APP: variants seen among roughly 807,000 people sequenced by gnomAD.
The protein encoded by APP is amyloid beta precursor protein, also known as amyloid-beta precursor protein.
APP carries 31 observed loss-of-function variants against 101.4 expected under a neutral mutation model. The observed-to-expected ratio is 0.31, with a 90% CI of 0.23 to 0.41. The LOEUF is 0.41. Ranked by LOEUF, APP falls within the 10% of genes least tolerant of loss-of-function variation. APP has a pLI of 1.00. For missense variants in APP, 839 were observed against 1,003.7 expected, an observed-to-expected ratio of 0.84 and a Z score of 2.22; for synonymous variants, 366 against 364.4, an observed-to-expected ratio of 1.00 and a Z score of -0.05.
intron 8 of APP, among the ~76,000 whole-genome samples, chr21:25,983,882 T>C (rs538815830): frequency 8.5e-5 from 13 of 152,288 alleles, no homozygotes; most frequent in African/African-American, 2.6e-4. Context: ...GAAAGAGTCA[T>C]GTGGGGATTT....
chr21:26,080,383 A>G (rs1362151069), intron 3 of APP, among the ~76,000 whole-genome samples: 1 of 152,108 alleles, frequency 6.6e-6, no homozygotes, highest in Non-Finnish European at 1.5e-5. Flanking sequence ...GATTCCTAAG[A>G]TTCTGCTCAT....
intron 6 of APP, among the ~76,000 whole-genome samples, chr21:26,012,091 G>C (rs1340583453): frequency 4.6e-5 from 4 of 86,168 alleles, no homozygotes; most frequent in Non-Finnish European, 1.4e-4. Flanking sequence ...CTGCAGGCTT[G>C]ACCTCACCTG....
intron 9 of APP, among the ~76,000 whole-genome samples, chr21:25,978,768 A>G (rs1473991630): frequency 1.3e-5 from 2 of 152,180 alleles, no homozygotes; most frequent in Non-Finnish European, 2.9e-5. Flanking sequence ...CCTGGCCAAC[A>G]TGGTGAAACC....
chr21:26,007,204 A>G (rs1448398478), intron 6 of APP, among the ~76,000 whole-genome samples: 1 of 151,762 alleles, frequency 6.6e-6, no homozygotes, highest in African/African-American at 2.4e-5. Context: ...AATTTTAAGT[A>G]GAGTAAAAAG....
At chr21:26,135,377 A>G (rs1434804033) in intron 1 of APP, among the ~76,000 whole-genome samples, 2 of 152,250 alleles carry the variant, frequency 1.3e-5, no homozygotes, top group Non-Finnish European at 2.9e-5. Context: ...CCAAGTTCAT[A>G]TCAAACTAAG....
chr21:26,150,760 T>A (rs1291492902), intron 1 of APP, among the ~76,000 whole-genome samples: 2 of 152,256 alleles, frequency 1.3e-5, no homozygotes, highest in Non-Finnish European at 2.9e-5. Flanking sequence ...GTTCAATTAA[T>A]GCACCAAATA....
chr21:26,042,604 C>T (rs1461988687), intron 5 of APP, among the ~76,000 whole-genome samples: 1 of 152,176 alleles, frequency 6.6e-6, no homozygotes, highest in Non-Finnish European at 1.5e-5. Flanking sequence ...TTATTGTTAT[C>T]AAGATTTCAC....
At chr21:26,140,907 TA>T (rs1270683207) in intron 1 of APP, among the ~76,000 whole-genome samples, 2 of 152,214 alleles carry the variant, frequency 1.3e-5, no homozygotes, top group Non-Finnish European at 2.9e-5. Context: ...AACCGGATTA[TA>T]AGAAACAATT....
intron 13 of APP, among the ~76,000 whole-genome samples, chr21:25,946,346 G>A (rs909889973): frequency 1.3e-5 from 2 of 152,294 alleles, no homozygotes; most frequent in South Asian, 4.1e-4. Context: ...ATAGTATCCA[G>A]AATATATAAA....
At chr21:26,032,521 T>G (rs1228161628) in intron 5 of APP, among the ~76,000 whole-genome samples, 1 of 152,156 alleles carries the variant, frequency 6.6e-6, no homozygotes. Context: ...AACATGTCAC[T>G]TAGGCTGCTG....
At chr21:26,050,808 T>C (rs550939961) in intron 5 of APP, among the ~76,000 whole-genome samples, 192 bp downstream of exon 5, 9 of 152,342 alleles carry the variant, frequency 5.9e-5, no homozygotes, top group African/African-American at 2.2e-4. Context: ...AACTCTGTGA[T>C]GGGTGACTGA....
At chr21:26,069,992 C>T (rs2046610883) in intron 3 of APP, among the ~76,000 whole-genome samples, 1 of 152,166 alleles carries the variant, frequency 6.6e-6, no homozygotes, top group Non-Finnish European at 1.5e-5. Context: ...TACAATATTG[C>T]TATGAGTTCA....
intron 2 of APP, among the ~76,000 whole-genome samples, chr21:26,105,561 C>T (rs1006710332): frequency 6.6e-6 from 1 of 151,426 alleles, no homozygotes; most frequent in Admixed American, 6.6e-5. Flanking sequence ...TTCCAACACA[C>T]GCATGAAAAT....
At chr21:26,066,684 A>G (rs1389439557) in intron 3 of APP, among the ~76,000 whole-genome samples, 3 of 152,172 alleles carry the variant, frequency 2.0e-5, no homozygotes, top group Admixed American at 6.5e-5. Flanking sequence ...ATAAACCTGC[A>G]TCTCATCCTA....
In APP at chr21:25,891,888, AAAG is replaced by A; in HGVS notation, c.2065-23_2065-21del. On this transcript the variant is annotated intron_variant, in intron 16 of 17. Transcript: ENST00000346798. The stretch of plus-strand genomic sequence containing the variant: ...GAACACCTTGAAAACAAATTAAGAA[AAAG>A]AATTTTAATTTCTAAATGCAATATA... 6.2e-7 allele frequency: 1 copy of A among 1,605,562 alleles called. No homozygotes were observed. The highest frequency in any genetic ancestry group is 8.5e-7 in the Non-Finnish European group (1 of 1,174,306).
intron 15 of APP, among the ~76,000 whole-genome samples, chr21:25,904,105 T>C (rs1216385737): frequency 6.6e-6 from 1 of 152,216 alleles, no homozygotes; most frequent in Non-Finnish European, 1.5e-5. Flanking sequence ...CCTGGGGACA[T>C]TATGAGGATA....
chr21:26,053,746 T>C (rs2045929159), intron 3 of APP, among the ~76,000 whole-genome samples: 1 of 152,240 alleles, frequency 6.6e-6, no homozygotes, highest in African/African-American at 2.4e-5. Flanking sequence ...CCTACTTTTC[T>C]TTCTTGGACA....
intron 2 of APP, among the ~76,000 whole-genome samples, chr21:26,102,250 G>A (rs1000459434): frequency 1.3e-5 from 2 of 151,816 alleles, no homozygotes; most frequent in Admixed American, 6.6e-5. Flanking sequence ...CACCACGCCC[G>A]GCAAATATTT....
At position 26,022,749 on chromosome 21, in the gene APP, C is replaced by T. The variant is rs138711343; in HGVS notation, c.663-707G>A. On this transcript the variant is annotated intron_variant, in intron 5 of 17. Coordinates refer to ENST00000346798, the MANE Select transcript of APP (RefSeq NM_000484.4). The stretch of plus-strand genomic sequence containing the variant: ...CTTCTCATAGTGCACATACAAGAGC[C>T]GCAACGCATTGCACGGTAGCGGATA... Among the ~76,000 whole-genome samples the T allele has an allele frequency of 2.3e-3, 349 of 152,298 alleles. 5 individuals carry two copies. Among genetic ancestry groups the T allele is most frequent in the East Asian group, 0.016 (84 of 5,178 alleles).
Sources: gnomAD v4.1 joint callset for allele counts (sites outside exome capture counted in the v4.1 genomes callset) on GRCh38, gnomAD v4.1.1 for gene constraint, MANE v1.5 for transcripts, NCBI Gene and HGNC (gene_info 2026-07-23, HGNC 2026-07-21) for gene names.